Variants in PRKN observed in about 807,000 individuals in gnomAD.
PRKN encodes the protein E3 ubiquitin-protein ligase parkin.
Under a neutral mutation model 59.5 loss-of-function variants are expected in PRKN, and 56 were observed. The ratio of observed to expected loss-of-function variants is 0.94; its 90% CI spans 0.76 to 1.18. The LOEUF (loss-of-function observed/expected upper bound fraction) is 1.18. Among genes scored for constraint, PRKN ranks in the 50% most tolerant of loss-of-function variants. The pLI is 0.00. For missense variants in PRKN, 657 were observed against 596.4 expected, an observed-to-expected ratio of 1.10 and a Z score of -1.06; for synonymous variants, 250 against 222.1, an observed-to-expected ratio of 1.13 and a Z score of -1.12.
intron 9 of PRKN, among the ~76,000 whole-genome samples, chr6:161,517,823 C>G (rs1472285905): frequency 4.8e-5 from 7 of 145,656 alleles, no homozygotes; most frequent in Non-Finnish European, 1.1e-4. Context: ...TACGCATACA[C>G]TGTAGCAAAG....
chr6:161,445,647 A>G lies in PRKN; in HGVS notation c.1084-58770T>C, dbSNP rs1489647198. ...TGCAGCTGAATGGGATCGGTGCAGCATGATAGAGGCCAGCTGCCCCGCACC... is the reference window on the plus strand; with the variant it reads ...TGCAGCTGAATGGGATCGGTGCAGCGTGATAGAGGCCAGCTGCCCCGCACC... On this transcript the variant is annotated intron_variant, in intron 9 of 11. Transcript: ENST00000366898. This position sits in a 1 kb window ranked among gnomAD's most constrained non-coding sequence, Gnocchi z 7.7. 1.3e-5 allele frequency among the ~76,000 whole-genome samples: 2 copies of G among 152,198 alleles called. No individual in the cohort carries two copies. The highest frequency in any genetic ancestry group is 2.9e-5 in the Non-Finnish European group (2 of 68,034).
intron 1 of PRKN, among the ~76,000 whole-genome samples, chr6:162,705,104 C>G (rs1016000385): frequency 6.6e-6 from 1 of 152,110 alleles, no homozygotes; most frequent in Admixed American, 6.6e-5. Flanking sequence ...TTAGTAATAA[C>G]TACTAAAAAC....
intron 2 of PRKN, chr6:162,271,550 A>AG (rs1376500317): frequency 6.6e-6 from 1 of 152,206 alleles, no homozygotes; most frequent in East Asian, 1.9e-4. Flanking sequence ...CTCAAAAAAA[A>AG]AAAAAAAGGT....
chr6:161,919,403 T>C (rs904377914), intron 6 of PRKN, among the ~76,000 whole-genome samples: 2 of 152,240 alleles, frequency 1.3e-5, no homozygotes, highest in African/African-American at 4.8e-5. Flanking sequence ...TTAGGGTTTA[T>C]TTTTCTGAAA....
intron 7 of PRKN, among the ~76,000 whole-genome samples, chr6:161,757,875 G>GTATA (rs369226880): frequency 0.052 from 1,217 of 23,430 alleles, 59 homozygotes; most frequent in African/African-American, 0.098. Context: ...CTCTCTCTGT[G>GTATA]TATATATATA....
At chr6:162,134,162 C>CA (rs1781481067) in intron 4 of PRKN, among the ~76,000 whole-genome samples, 1 of 152,064 alleles carries the variant, frequency 6.6e-6, no homozygotes, top group Non-Finnish European at 1.5e-5. Flanking sequence ...ACACATGGTC[C>CA]AAGACAGCAT....
chr6:161,713,848 C>A (rs897974183), intron 7 of PRKN, among the ~76,000 whole-genome samples: 3 of 152,004 alleles, frequency 2.0e-5, no homozygotes, highest in Non-Finnish European at 4.4e-5. Context: ...ATCATGGGGC[C>A]GGGTTTTTGC....
intron 2 of PRKN, among the ~76,000 whole-genome samples, chr6:162,377,967 CAA>C (rs1786211187): frequency 6.6e-6 from 1 of 152,118 alleles, no homozygotes; most frequent in Non-Finnish European, 1.5e-5. Context: ...CCTAGTAAAA[CAA>C]GAGGATCCCA....
rs1033408447 is a variant in PRKN, at chr6:162,647,185, GTAATA to G, written c.7+80472_7+80476del. Among the ~76,000 whole-genome samples the G allele has an allele frequency of 5.7e-4, 86 of 151,844 alleles. 1 individual carries two copies. Among genetic ancestry groups the G allele is most frequent in the African/African-American group, 1.8e-3 (73 of 41,430 alleles). ...AAAGAATAATAATATAAATAATAATGTAATATAATATAAAGAGAGTTCTCTTTCTA... is the reference window on the plus strand; with the variant it reads ...AAAGAATAATAATATAAATAATAATGTAATATAAAGAGAGTTCTCTTTCTA... On this transcript the variant is annotated intron_variant, in intron 1 of 11. Coordinates refer to ENST00000366898, the MANE Select transcript of PRKN (RefSeq NM_004562.3).
In PRKN at chr6:161,467,247, C is replaced by CTCAT. The variant is rs889274169; in HGVS notation, c.1084-80374_1084-80371dup. 1.2e-4 allele frequency among the ~76,000 whole-genome samples: 18 copies of CTCAT among 152,306 alleles called. No homozygotes were observed. Among genetic ancestry groups the CTCAT allele is most frequent in the South Asian group, 8.3e-4 (4 of 4,832 alleles). ...ACCCTTCTGTCTTAAGTATAATTCA[C>CTCAT]TCATTCATTCATTCATTCACCCATT... On this transcript the variant is annotated intron_variant, in intron 9 of 11. Coordinates refer to ENST00000366898, the MANE Select transcript of PRKN (RefSeq NM_004562.3). This position sits in a 1 kb window ranked among gnomAD's most constrained non-coding sequence, Gnocchi z 4.3.
At chr6:162,564,089 G>A (rs564547742) in intron 1 of PRKN, among the ~76,000 whole-genome samples, 4 of 152,188 alleles carry the variant, frequency 2.6e-5, no homozygotes, top group African/African-American at 9.6e-5. Flanking sequence ...GCTCATGCCT[G>A]TAATCCCAGC....
intron 4 of PRKN, among the ~76,000 whole-genome samples, chr6:162,196,345 C>G (rs1278452532): frequency 6.6e-6 from 1 of 152,146 alleles, no homozygotes; most frequent in East Asian, 1.9e-4. Flanking sequence ...GGAAATATTT[C>G]AAGGAAACAA....
At chr6:161,557,718 C>T (rs909364388) in intron 8 of PRKN, among the ~76,000 whole-genome samples, 3 of 152,078 alleles carry the variant, frequency 2.0e-5, no homozygotes, top group African/African-American at 7.2e-5. Context: ...TACAGGGATC[C>T]GAGGTAAAAC....
chr6:161,797,795 C>T lies in PRKN; in HGVS notation c.735-11887G>A, dbSNP rs528938186. 7.9e-5 allele frequency among the ~76,000 whole-genome samples: 12 copies of T among 152,290 alleles called. No homozygotes were observed. In the East Asian group the frequency reaches 2.3e-3, roughly 29 times the overall value. On this transcript the variant is annotated intron_variant, in intron 6 of 11. Transcript: ENST00000366898. ...GGCATATAGTAGATAAAATTATTTT[C>T]CCAACTTAGTTGTTTTTGCTTGTTT...
intron 5 of PRKN, among the ~76,000 whole-genome samples, chr6:162,023,729 G>A (rs1393837148): frequency 2.0e-5 from 3 of 152,080 alleles, no homozygotes; most frequent in East Asian, 1.9e-4. Flanking sequence ...ATTTGGGCCC[G>A]AAAGCAGGAC....
intron 7 of PRKN, among the ~76,000 whole-genome samples, chr6:161,713,346 T>A (rs1341566885): frequency 6.6e-6 from 1 of 152,150 alleles, no homozygotes; most frequent in Non-Finnish European, 1.5e-5. Flanking sequence ...TGGTCTCTAG[T>A]ACCCCCTTCC....
chr6:162,569,819 G>A, intron 1 of PRKN: 1 of 444,662 alleles, frequency 2.2e-6, no homozygotes, highest in Non-Finnish European at 4.2e-6. Context: ...ACAGGGAATG[G>A]GAGACCCACC....
chr6:162,519,675 A>G (rs1241416374), intron 1 of PRKN, among the ~76,000 whole-genome samples: 3 of 152,072 alleles, frequency 2.0e-5, no homozygotes, highest in Admixed American at 1.3e-4. Context: ...CATTTATTCT[A>G]TTTCCCACTG....
intron 8 of PRKN, among the ~76,000 whole-genome samples, chr6:161,559,325 G>T (rs567251821): frequency 6.6e-6 from 1 of 152,274 alleles, no homozygotes; most frequent in East Asian, 1.9e-4. Context: ...TTCCTCACAA[G>T]AGTTCCTACA....
Sources: allele counts gnomAD v4.1 joint callset (sites outside exome capture counted in the v4.1 genomes callset), GRCh38; gene constraint gnomAD v4.1.1; non-coding constraint Gnocchi (gnomAD v3.1); transcripts MANE v1.5; gene names NCBI Gene and HGNC (gene_info 2026-07-23, HGNC 2026-07-21).